NID1: variants seen among roughly 807,000 people sequenced by gnomAD.
NID1 encodes the protein nidogen 1.
NID1 carries 76 observed loss-of-function variants against 130.6 expected under a neutral mutation model. The observed-to-expected ratio is 0.58, with a 90% CI of 0.48 to 0.70. The LOEUF (loss-of-function observed/expected upper bound fraction) is 0.70. Ranked by LOEUF, NID1 falls within the 30% of genes least tolerant of loss-of-function variation. NID1 has a pLI of 0.00. For synonymous variants in NID1, 665 were observed against 675.1 expected (o/e 0.98, Z 0.23); for missense variants, 1,517 against 1,664.8 (o/e 0.91, Z 1.54).
At chr1:236,045,403 T>C in intron 3 of NID1, 54 bp downstream of exon 3, 1 of 1,281,906 alleles carries the variant, frequency 7.8e-7, no homozygotes, top group East Asian at 2.3e-5. Flanking sequence ...CATTACATTA[T>C]CCACATTAAA....
rs1395059767 is a variant in NID1, at chr1:236,038,196, G to A, written c.1193C>T (p.Ser398Leu). Residue 398 changes from serine to leucine, a missense_variant, in exon 5 of 20, where the codon TCG becomes TTG. By Grantham distance (145) the Ser-to-Leu change is moderately radical (BLOSUM62 -2). This residue lies in a region of NID1 where 1,329 missense variants were observed against 1,429.2 expected (regional missense o/e 0.93). Coordinates refer to ENST00000264187, the MANE Select transcript of NID1 (RefSeq NM_002508.3). ...GTAGTCCCTGCACTCTGCGTGCACC[G>A]AGCACTGGTGTCTGTTGTTAGCACA... ...QTCANNRHQC[S>L]VHAECRDYAT... 7 of 1,613,692 alleles carry A rather than the reference G, an allele frequency of 4.3e-6. No homozygotes were observed. The highest frequency in any genetic ancestry group is 4.5e-5 in the East Asian group (2 of 44,864).
rs563351714 is a variant in NID1, at chr1:236,004,703, A to G, written c.2527+7218T>C. 2.1e-5 allele frequency among the ~76,000 whole-genome samples: 3 copies of G among 143,896 alleles called. No individual in the cohort carries two copies. The South Asian group carries it at 6.8e-4, about 33-fold the overall frequency. 94.4% of individuals were successfully genotyped at this position (143,896 alleles called of 152,430 possible). ...TGTGAACCCGGGAGGCGGAGCTTGCAGTGAGCCGAGATCATGCCACTGCAC... is the reference window on the plus strand; with the variant it reads ...TGTGAACCCGGGAGGCGGAGCTTGCGGTGAGCCGAGATCATGCCACTGCAC... On this transcript the variant is annotated intron_variant, in intron 12 of 19. Transcript: ENST00000264187.
intron 12 of NID1, among the ~76,000 whole-genome samples, chr1:236,009,964 G>A (rs1453042992): frequency 6.6e-6 from 1 of 152,124 alleles, no homozygotes; most frequent in African/African-American, 2.4e-5. Flanking sequence ...TACACGCCTG[G>A]ATCTGTTTCT....
chr1:235,983,816 A>T (rs989566799), intron 15 of NID1, among the ~76,000 whole-genome samples: 32 of 152,172 alleles, frequency 2.1e-4, no homozygotes, highest in Middle Eastern at 3.2e-3. Context: ...GATACTTTTT[A>T]GAGATACTTG....
chr1:236,039,375 G>A (rs1659378225), intron 4 of NID1, among the ~76,000 whole-genome samples: 2 of 151,304 alleles, frequency 1.3e-5, no homozygotes, highest in Admixed American at 1.3e-4. Flanking sequence ...CATTGTGCCT[G>A]GCTTATATTC....
intron 9 of NID1, among the ~76,000 whole-genome samples, 166 bp downstream of exon 9, chr1:236,023,904 A>G (rs896847133): frequency 8.5e-5 from 13 of 152,202 alleles, no homozygotes; most frequent in African/African-American, 3.1e-4. Context: ...GAGTTTACCC[A>G]CGGGAACAGT....
At chr1:235,994,311 C>G (rs372841676) in intron 12 of NID1, among the ~76,000 whole-genome samples, 1 of 152,024 alleles carries the variant, frequency 6.6e-6, no homozygotes, top group Middle Eastern at 3.2e-3. Context: ...TACAGGCACC[C>G]GCCACCAAGC....
intron 2 of NID1, among the ~76,000 whole-genome samples, chr1:236,048,003 G>A (rs1349063982): frequency 8.5e-6 from 1 of 117,408 alleles, no homozygotes; most frequent in Admixed American, 1.2e-4. Context: ...TCCAGCCTGG[G>A]CAACAGAGCA....
chr1:236,007,188 C>T (rs1206374857), intron 12 of NID1, among the ~76,000 whole-genome samples: 2 of 152,136 alleles, frequency 1.3e-5, no homozygotes, highest in Non-Finnish European at 2.9e-5. Context: ...TTTTTAAATG[C>T]CATGCCTAGA....
Position 235,993,777 on chromosome 1 carries a change from C to G in NID1, c.2623G>C (p.Val875Leu), listed in dbSNP as rs201166678. 3.1e-6 allele frequency: 5 copies of G among 1,614,144 alleles called. No homozygotes were observed. Among genetic ancestry groups the G allele is most frequent in the Non-Finnish European group, 3.4e-6 (4 of 1,180,024 alleles). Residue 875 changes from valine (V) to leucine (L), a missense_variant, in exon 13 of 20, where the codon GTT (valine) becomes CTT (leucine). This residue lies in a region of NID1 where 1,329 missense variants were observed against 1,429.2 expected (regional missense o/e 0.93). Transcript: ENST00000264187. Reference protein sequence around the residue: ...PQRPIPPGLFVPECDAHGHYA... With the variant: ...PQRPIPPGLFLPECDAHGHYA... Reference sequence around the variant, plus strand: ...TGCCCGTGCGCATCGCACTCAGGAACGAACAGCCCCGGAGGAATGGGTCGC... The same window carrying G: ...TGCCCGTGCGCATCGCACTCAGGAAGGAACAGCCCCGGAGGAATGGGTCGC...
chr1:235,988,776 T>C (rs1356828363), intron 14 of NID1, among the ~76,000 whole-genome samples: 3 of 152,126 alleles, frequency 2.0e-5, no homozygotes, highest in African/African-American at 2.4e-5. Context: ...GAATGACAAA[T>C]ACTGTATGAT....
intron 1 of NID1, chr1:236,060,872 A>T (rs1660019992): frequency 6.6e-6 from 1 of 151,992 alleles, no homozygotes; most frequent in African/African-American, 2.4e-5. Flanking sequence ...GGGGTGTGAG[A>T]CCCCCAATCT....
chr1:236,027,065 G>A (rs979935625), intron 7 of NID1, among the ~76,000 whole-genome samples: 21 of 152,010 alleles, frequency 1.4e-4, no homozygotes, highest in African/African-American at 3.9e-4. Flanking sequence ...TCTACATACC[G>A]GTCTAGACCA....
At chr1:236,027,687 T>C (rs1160263821) in intron 7 of NID1, among the ~76,000 whole-genome samples, 1 of 152,000 alleles carries the variant, frequency 6.6e-6, no homozygotes, top group Non-Finnish European at 1.5e-5. Context: ...AAGTTAGCCA[T>C]GCCTGGTGGT....
chr1:236,043,647 A>T (rs1334372182), intron 3 of NID1, among the ~76,000 whole-genome samples: 2 of 151,984 alleles, frequency 1.3e-5, no homozygotes, highest in Non-Finnish European at 2.9e-5. Flanking sequence ...AAATACAAAA[A>T]ATTAGCTGGG....
chr1:236,040,871 T>G (rs1659432207), intron 4 of NID1, among the ~76,000 whole-genome samples: 1 of 152,090 alleles, frequency 6.6e-6, no homozygotes, highest in South Asian at 2.1e-4. Flanking sequence ...CACCATGTTG[T>G]CCAGGCTGGT....
In NID1 at chr1:235,993,700, A is replaced by T; in HGVS notation, c.2700T>A (p.Asp900Glu). The T allele has an allele frequency of 6.2e-7, 1 of 1,602,790 alleles. No homozygotes were observed. Among genetic ancestry groups the T allele is most frequent in the Non-Finnish European group, 8.5e-7 (1 of 1,172,232 alleles). The change falls in exon 13 of 20, where the codon GAT becomes GAA. Residue 900 changes from aspartate (D) to glutamate (E), a missense_variant. Asp to Glu is a conservative substitution (Grantham distance 45). Transcript: ENST00000264187. ...HGSTGYCWCVDRDGREVEGTR... is the reference protein window; with the variant it reads ...HGSTGYCWCVERDGREVEGTR... ...TGCCCTCCACCTCGCGGCCGTCGCG[A>T]TCCACGCACCAGCAGTAGCCGGTGC... is the stretch of plus-strand genomic sequence containing the variant.
At chr1:235,998,881 GA>G (rs1325786201) in intron 12 of NID1, among the ~76,000 whole-genome samples, 1 of 152,122 alleles carries the variant, frequency 6.6e-6, no homozygotes, top group Non-Finnish European at 1.5e-5. Flanking sequence ...GAGAAGTTGA[GA>G]CTCCTTCAGG....
intron 6 of NID1, 46 bp from the exon 7 acceptor site, chr1:236,029,796 C>A (rs377268654): frequency 3.2e-6 from 5 of 1,586,740 alleles, no homozygotes; most frequent in Non-Finnish European, 4.3e-6. Context: ...GGGGAGCGCG[C>A]CCTTCTGCCC....
Sources: allele counts gnomAD v4.1 joint callset (sites outside exome capture counted in the v4.1 genomes callset), GRCh38; gene constraint gnomAD v4.1.1; regional missense constraint gnomAD v4.1.1; transcripts MANE v1.5; gene names NCBI Gene and HGNC (gene_info 2026-07-23, HGNC 2026-07-21).